SGSM3: variants seen among roughly 807,000 people sequenced by gnomAD.
SGSM3 encodes the protein RUN and SH3 containing 3.
SGSM3 carries 96 observed loss-of-function variants against 100.5 expected under a neutral mutation model. The ratio of observed to expected loss-of-function variants is 0.96; its 90% CI spans 0.81 to 1.13. The LOEUF is 1.13. Among genes scored for constraint, SGSM3 ranks in the 50% most tolerant of loss-of-function variants. SGSM3 has a pLI of 0.00. For missense variants in SGSM3, 1,001 were observed against 1,015.8 expected (o/e 0.99, Z 0.20); for synonymous variants, 483 against 422.8 (o/e 1.14, Z -1.75).
chr22:40,409,189 G>A (rs1021496757), intron 19 of SGSM3, 61 bp from the exon 20 acceptor site: 73 of 1,555,764 alleles, frequency 4.7e-5, no homozygotes, highest in Middle Eastern at 2.0e-4. Context: ...GGCTTCCACC[G>A]TGGCTGCAGC....
In SGSM3 at chr22:40,408,063, TC is replaced by T. The variant is rs778406603; in HGVS notation, c.1580-5del. ...GGTTGCTCCTTACAGGGCCTGTTTTTCCCACAGGCTGGTTTCCAGCCAAGTT... is the reference window on the plus strand; with the variant it reads ...GGTTGCTCCTTACAGGGCCTGTTTTTCCACAGGCTGGTTTCCAGCCAAGTT... On this transcript the variant is annotated splice_polypyrimidine_tract_variant and splice_region_variant and intron_variant, in intron 14 of 21. Transcript: ENST00000248929. 6 of 1,567,040 alleles carry T rather than the reference TC, an allele frequency of 3.8e-6. No homozygotes were observed. The African/African-American group carries it at 8.4e-5, about 22-fold the overall frequency.
At chr22:40,386,361 A>G (rs1460452536) in intron 1 of SGSM3, among the ~76,000 whole-genome samples, 1 of 152,126 alleles carries the variant, frequency 6.6e-6, no homozygotes, top group Non-Finnish European at 1.5e-5. Flanking sequence ...AAGGTTCACA[A>G]CAGTAAGAGG....
intron 1 of SGSM3, among the ~76,000 whole-genome samples, chr22:40,374,848 G>T (rs1223943455): frequency 1.3e-5 from 2 of 152,210 alleles, no homozygotes; most frequent in Non-Finnish European, 2.9e-5. Context: ...TTGTACCACT[G>T]CACTCCAGCC....
chr22:40,404,392 A>G lies in SGSM3; in HGVS notation c.303A>G (p.Leu101=), dbSNP rs753550874. 5.6e-6 allele frequency: 9 copies of G among 1,608,558 alleles called. No individual in the cohort carries two copies. The African/African-American group carries it at 1.2e-4, about 22-fold the overall frequency. The part of the protein sequence containing the change: ...DLTWDKIAVS[L]PRSEKLRSLV... The stretch of plus-strand genomic sequence containing the variant: ...CCTGGGACAAGATTGCCGTCTCCCT[A>G]CCCCGCTCTGAGAAGCTCCGCTCCC... Residue 101 remains leucine (L), a synonymous_variant, in exon 5 of 22, where the codon CTA becomes CTG. Coordinates refer to ENST00000248929, the MANE Select transcript of SGSM3 (RefSeq NM_015705.6).
At position 40,370,657 on chromosome 22, in the gene SGSM3, C is replaced by T. The variant is rs1193549065; in HGVS notation, c.-143C>T. On this transcript the variant is annotated 5_prime_UTR_variant, in exon 1 of 22. Coordinates refer to ENST00000248929, the MANE Select transcript of SGSM3 (RefSeq NM_015705.6). ...CGAGTGGGGAAGCTGCTAACCCGAC[C>T]CGGATTGGCGCTGAGGTGGCCCGTG... 1 of 152,406 alleles carries T rather than the reference C, an allele frequency of 6.6e-6. No homozygotes were observed. The highest frequency in any genetic ancestry group is 2.4e-5 in the African/African-American group (1 of 41,482). The allele number at this position is 152,406 out of a possible 1,614,324, so 9.4% of individuals were successfully genotyped here.
chr22:40,402,800 TATTTGGATA>T, intron 4 of SGSM3, among the ~76,000 whole-genome samples: 1 of 152,184 alleles, frequency 6.6e-6, no homozygotes. Context: ...GAATATACAG[TATTTGGATA>T]ACTACTTTTC....
chr22:40,406,883 A>C, intron 10 of SGSM3, 134 bp from the exon 11 acceptor site: 1 of 1,018,440 alleles, frequency 9.8e-7, no homozygotes, highest in Non-Finnish European at 1.5e-6. Context: ...AGGCAGACCC[A>C]GCTCTGATTA....
Position 40,410,002 on chromosome 22 carries a change from A to T in SGSM3, c.*243A>T, listed in dbSNP as rs971890315. ...AGTTTGTACCAAAAACCTTGTGAGG[A>T]GGTGGGGGAGCCATGTCTGTGCTCA... On this transcript the variant is annotated 3_prime_UTR_variant, in exon 22 of 22. Transcript: ENST00000248929. 2.3e-6 allele frequency: 3 copies of T among 1,332,424 alleles called. No individual in the cohort carries two copies. The highest frequency in any genetic ancestry group is 4.3e-5 in the South Asian group (2 of 46,536). 82.5% of individuals were successfully genotyped at this position (1,332,424 alleles called of 1,614,324 possible).
At chr22:40,372,233 TCTC>T (rs1433768730) in intron 1 of SGSM3, among the ~76,000 whole-genome samples, 4 of 146,918 alleles carry the variant, frequency 2.7e-5, no homozygotes, top group Admixed American at 7.0e-5. Context: ...TTCACGCCAT[TCTC>T]CTGCCTCAGC....
intron 9 of SGSM3, 46 bp downstream of exon 9, chr22:40,406,269 G>T: frequency 6.2e-7 from 1 of 1,607,214 alleles, no homozygotes; most frequent in Non-Finnish European, 8.5e-7. Context: ...CACCCGAGAT[G>T]GGGGGCAGGG....
At position 40,410,241 on chromosome 22, in the gene SGSM3, C is replaced by G; in HGVS notation, c.*482C>G. ...GGGACACAACAGACCCGGGACCCAG[C>G]TGTGCTACCCACCCCTTCCATGGAC... On this transcript the variant is annotated 3_prime_UTR_variant, in exon 22 of 22. Coordinates refer to ENST00000248929, the MANE Select transcript of SGSM3 (RefSeq NM_015705.6). 1 of 967,758 alleles carries G rather than the reference C, an allele frequency of 1.0e-6. No homozygotes were observed. Among genetic ancestry groups the G allele is most frequent in the Non-Finnish European group, 1.3e-6 (1 of 793,236 alleles). 59.9% of individuals were successfully genotyped at this position (967,758 alleles called of 1,614,324 possible).
In SGSM3 at chr22:40,407,857, T is replaced by G; in HGVS notation, c.1579+14T>G. 1 of 1,607,386 alleles carries G rather than the reference T, an allele frequency of 6.2e-7. No homozygotes were observed. The highest frequency in any genetic ancestry group is 8.5e-7 in the Non-Finnish European group (1 of 1,176,458). ...ACGGCCTGCGAGGTGGGGTCCTTGG[T>G]CTGCTCTTGAGCTGGGAGAGGGAGG... is the stretch of plus-strand genomic sequence containing the variant. On this transcript the variant is annotated intron_variant, in intron 14 of 21. Coordinates refer to ENST00000248929, the MANE Select transcript of SGSM3 (RefSeq NM_015705.6). The surrounding 1 kb of genome is among the most constrained non-coding windows in gnomAD (Gnocchi z 4.7).
At chr22:40,400,119 T>G (rs2050550936) in intron 1 of SGSM3, among the ~76,000 whole-genome samples, 3 of 152,248 alleles carry the variant, frequency 2.0e-5, no homozygotes, top group South Asian at 4.1e-4. Context: ...CCATGGCAGA[T>G]AGCATGGAGA....
At position 40,402,204 on chromosome 22, in the gene SGSM3, A is replaced by T; in HGVS notation, c.156A>T (p.Glu52Asp). 15 of 1,612,746 alleles carry T rather than the reference A, an allele frequency of 9.3e-6. No homozygotes were observed. Among genetic ancestry groups the T allele is most frequent in the Non-Finnish European group, 1.3e-5 (15 of 1,178,730 alleles). The change falls in exon 4 of 22, where the codon GAA becomes GAT. Residue 52 changes from glutamate to aspartate, a missense_variant and splice_region_variant. Glu to Asp is a conservative substitution (Grantham distance 45). Transcript: ENST00000248929. Reference protein sequence around the residue: ...YDEFGFRVYKEEGDEPGSSLL... With the variant: ...YDEFGFRVYKDEGDEPGSSLL... ...AGTTTGGTTTCCGTGTGTACAAGGAAGGTAAACTTGAGCCCCTTTTGTGTG... is the reference window on the plus strand; with the variant it reads ...AGTTTGGTTTCCGTGTGTACAAGGATGGTAAACTTGAGCCCCTTTTGTGTG...
In SGSM3 at chr22:40,404,442, G is replaced by C; in HGVS notation, c.353G>C (p.Gly118Ala). ...CTGGTGCTGGCCGGCATCCCACATG[G>C]CATGAGGCCACAGGTAAGGTGGCCA... ...RSLVLAGIPH[G>A]MRPQLWMRLS... is the part of the protein sequence containing the mutation. Residue 118 changes from glycine (G) to alanine (A), a missense_variant, in exon 5 of 22, where the codon GGC becomes GCC. Physicochemically the swap from Gly to Ala is moderately conservative, Grantham distance 60. Coordinates refer to ENST00000248929, the MANE Select transcript of SGSM3 (RefSeq NM_015705.6). 1 of 1,604,904 alleles carries C rather than the reference G, an allele frequency of 6.2e-7. No individual in the cohort carries two copies.
At chr22:40,380,403 G>A (rs1321337208) in intron 1 of SGSM3, among the ~76,000 whole-genome samples, 1 of 135,098 alleles carries the variant, frequency 7.4e-6, no homozygotes, top group African/African-American at 2.8e-5. Flanking sequence ...GTCTCACTCT[G>A]TCACCCAGGC....
chr22:40,385,308 G>T (rs753117612), intron 1 of SGSM3, among the ~76,000 whole-genome samples: 19 of 152,210 alleles, frequency 1.2e-4, no homozygotes, highest in Non-Finnish European at 1.8e-4. Context: ...GAGGCAGAGG[G>T]ATAAGAGCTA....
In SGSM3 at chr22:40,406,295, C is replaced by G. The variant is rs776793353; in HGVS notation, c.960+72C>G. On this transcript the variant is annotated intron_variant, in intron 9 of 21. Transcript: ENST00000248929. The stretch of plus-strand genomic sequence containing the variant: ...GGGGGCAGGGGAGCAAGAGACCTCC[C>G]TGGGCCAGGCAAGACCAGCCCCCTG... The G allele has an allele frequency of 1.9e-6, 3 of 1,588,684 alleles. No homozygotes were observed. In the Admixed American group the frequency reaches 5.1e-5, roughly 27 times the overall value.
intron 1 of SGSM3, among the ~76,000 whole-genome samples, chr22:40,388,740 C>G (rs2048864873): frequency 6.6e-6 from 1 of 152,024 alleles, no homozygotes; most frequent in African/African-American, 2.4e-5. Context: ...AAAGTAGCAA[C>G]AGGTTGTAAG....
Sources: allele counts gnomAD v4.1 joint callset (sites outside exome capture counted in the v4.1 genomes callset), GRCh38; gene constraint gnomAD v4.1.1; non-coding constraint Gnocchi (gnomAD v3.1); transcripts MANE v1.5; gene names NCBI Gene and HGNC (gene_info 2026-07-23, HGNC 2026-07-21).